Variants in KCNIP4 observed in about 807,000 individuals in gnomAD.
KCNIP4 encodes the protein Kv channel-interacting protein 4.
Under a neutral mutation model 34.0 loss-of-function variants are expected in KCNIP4, and 12 were observed. The ratio of observed to expected loss-of-function variants is 0.35; its 90% CI spans 0.23 to 0.57. KCNIP4 has a LOEUF of 0.57. KCNIP4 is among the 20% of genes least tolerant of loss of function. KCNIP4 has a pLI of 0.83. For missense variants in KCNIP4, 238 were observed against 311.7 expected, an observed-to-expected ratio of 0.76 and a Z score of 1.78; for synonymous variants, 124 against 102.2, an observed-to-expected ratio of 1.21 and a Z score of -1.29.
At chr4:21,523,177 G>A (rs1735688665) in intron 1 of KCNIP4, among the ~76,000 whole-genome samples, 1 of 152,136 alleles carries the variant, frequency 6.6e-6, no homozygotes, top group East Asian at 1.9e-4. Flanking sequence ...TAGAAACTGT[G>A]AGAAGTAATT....
chr4:21,324,703 G>T (rs1582696), intron 1 of KCNIP4, among the ~76,000 whole-genome samples: 99,621 of 149,468 alleles, frequency 0.67, 33,207 homozygotes, highest in Middle Eastern at 0.77. Flanking sequence ...GTTTTGTTTT[G>T]TTTTTTTCTT....
rs558852200 is a variant in KCNIP4 at position 21,796,363 on chromosome 4, T to C, written c.61+152208A>G. On this transcript the variant is annotated intron_variant, in intron 1 of 8. Transcript: ENST00000382152. ...CCAAGCCTTCCCCATTTCTTCCAAC[T>C]CTTCATGGTGTTGACTGGAGTGACC... Among the ~76,000 whole-genome samples the C allele has an allele frequency of 2.0e-5, 3 of 152,224 alleles. No individual in the cohort carries two copies. The South Asian group carries it at 6.2e-4, about 32-fold the overall frequency.
intron 1 of KCNIP4, among the ~76,000 whole-genome samples, chr4:21,506,280 G>A (rs1577482686): frequency 6.6e-6 from 1 of 152,118 alleles, no homozygotes; most frequent in Admixed American, 6.6e-5. Flanking sequence ...TGTGTGCAAA[G>A]CCTGACTCTT....
chr4:21,173,387 A>C (rs1437226429), intron 1 of KCNIP4, among the ~76,000 whole-genome samples: 1 of 152,280 alleles, frequency 6.6e-6, no homozygotes, highest in East Asian at 1.9e-4. Context: ...GACTGAGCAT[A>C]TAGAGGCAGA....
At chr4:20,793,214 C>T (rs983014012) in intron 3 of KCNIP4, among the ~76,000 whole-genome samples, 6 of 152,098 alleles carry the variant, frequency 3.9e-5, no homozygotes, top group African/African-American at 1.4e-4. Context: ...TTGTATATAC[C>T]TATAATGGAA....
intron 1 of KCNIP4, among the ~76,000 whole-genome samples, chr4:21,887,994 G>C (rs1726880145): frequency 6.6e-6 from 1 of 151,286 alleles, no homozygotes; most frequent in South Asian, 2.1e-4. Flanking sequence ...TCATATTTAT[G>C]TAACACTTAC....
chr4:21,199,694 G>A (rs539514513), intron 1 of KCNIP4, among the ~76,000 whole-genome samples: 15 of 152,196 alleles, frequency 9.9e-5, no homozygotes, highest in Non-Finnish European at 2.2e-4. Flanking sequence ...GAGTTTTTAT[G>A]GTTTTAAGTC....
At position 21,947,945 on chromosome 4, in the gene KCNIP4, C is replaced by T. The variant is rs116280986; in HGVS notation, c.61+626G>A. Among the ~76,000 whole-genome samples, 1,282 of 152,350 alleles carry T rather than the reference C, an allele frequency of 8.4e-3. 24 individuals carry two copies. The highest frequency in any genetic ancestry group is 0.029 in the African/African-American group (1,215 of 41,574). ...AACGCACGTTTCTCTGAAAGCCAAG[C>T]TCCTAACACAGTGCCCGATACCTTA... is the stretch of plus-strand genomic sequence containing the variant. On this transcript the variant is annotated intron_variant, in intron 1 of 8. Coordinates refer to ENST00000382152, the MANE Select transcript of KCNIP4 (RefSeq NM_025221.6).
chr4:21,607,971 A>G (rs1743846788), intron 1 of KCNIP4, among the ~76,000 whole-genome samples: 2 of 152,150 alleles, frequency 1.3e-5, no homozygotes, highest in Non-Finnish European at 2.9e-5. Context: ...TTGTATACAG[A>G]CGTGCAAAGT....
At chr4:21,156,023 TA>T (rs1753124563) in intron 1 of KCNIP4, among the ~76,000 whole-genome samples, 1 of 152,170 alleles carries the variant, frequency 6.6e-6, no homozygotes, top group African/African-American at 2.4e-5. Context: ...AATAAATAGG[TA>T]AGCACAGAAC....
intron 1 of KCNIP4, among the ~76,000 whole-genome samples, chr4:21,324,965 T>A (rs1019012541): frequency 2.0e-5 from 3 of 151,978 alleles, no homozygotes; most frequent in Non-Finnish European, 4.4e-5. Context: ...ATTGTAGAGA[T>A]CTTTCACTTC....
chr4:21,253,958 G>A (rs2109085392), intron 1 of KCNIP4, among the ~76,000 whole-genome samples: 1 of 152,270 alleles, frequency 6.6e-6, no homozygotes, highest in African/African-American at 2.4e-5. Flanking sequence ...AAGGTCACAG[G>A]TTGTGCAATT....
intron 1 of KCNIP4, among the ~76,000 whole-genome samples, chr4:21,584,774 G>C (rs1409619707): frequency 6.6e-6 from 1 of 151,994 alleles, no homozygotes; most frequent in African/African-American, 2.4e-5. Flanking sequence ...ATAAAAACTT[G>C]GAAGGAACAC....
At chr4:21,721,763 A>ATG (rs879571477) in intron 1 of KCNIP4, among the ~76,000 whole-genome samples, 16 of 152,332 alleles carry the variant, frequency 1.1e-4, no homozygotes, top group Non-Finnish European at 2.2e-4. Context: ...TGCTACATCA[A>ATG]TAAAACATGG....
chr4:21,764,997 G>A (rs1718311287), intron 1 of KCNIP4, among the ~76,000 whole-genome samples: 1 of 152,044 alleles, frequency 6.6e-6, no homozygotes, highest in African/African-American at 2.4e-5. Context: ...TCACAGCCAT[G>A]TCAACTTGGG....
intron 3 of KCNIP4, among the ~76,000 whole-genome samples, chr4:20,800,338 A>T (rs1334154152): frequency 6.6e-6 from 1 of 152,260 alleles, no homozygotes; most frequent in Non-Finnish European, 1.5e-5. Flanking sequence ...ACACAATCAG[A>T]TGTGCAGACA....
intron 1 of KCNIP4, among the ~76,000 whole-genome samples, chr4:21,217,356 C>T (rs915845298): frequency 7.9e-5 from 12 of 152,052 alleles, no homozygotes; most frequent in Admixed American, 4.6e-4. Flanking sequence ...TCTACATGGT[C>T]GTTTTTGATG....
chr4:21,501,993 GCACA>G (rs10559810), intron 1 of KCNIP4, among the ~76,000 whole-genome samples: 3,219 of 145,048 alleles, frequency 0.022, 121 homozygotes, highest in African/African-American at 0.076. Flanking sequence ...TCATGCACAC[GCACA>G]CACACACACA....
intron 1 of KCNIP4, among the ~76,000 whole-genome samples, chr4:21,663,457 G>C (rs1748605208): frequency 6.6e-6 from 1 of 152,142 alleles, no homozygotes; most frequent in Admixed American, 6.5e-5. Context: ...TATGACTGCA[G>C]ATGCTCCCTG....
Sources: gnomAD v4.1 joint callset for allele counts (sites outside exome capture counted in the v4.1 genomes callset) on GRCh38, gnomAD v4.1.1 for gene constraint, MANE v1.5 for transcripts, NCBI Gene and HGNC (gene_info 2026-07-23, HGNC 2026-07-21) for gene names.